The following KCNJ16 variants were observed in gnomAD, a reference collection of about 807,000 sequenced individuals.
The protein encoded by KCNJ16 is inward rectifier potassium channel 16.
In KCNJ16, 15 loss-of-function variants were observed where a neutral mutation model predicts 18.5. The observed-to-expected ratio is 0.81, with a 90% CI of 0.54 to 1.25. KCNJ16 has a LOEUF of 1.25. Among genes scored for constraint, KCNJ16 ranks in the 50% most tolerant of loss-of-function variants. KCNJ16 has a pLI of 0.00. For synonymous variants in KCNJ16, 174 were observed against 186.5 expected (o/e 0.93, Z 0.55); for missense variants, 523 against 525.7 (o/e 0.99, Z 0.05).
At chr17:70,096,382 A>G (rs993629582) in intron 1 of KCNJ16, among the ~76,000 whole-genome samples, 13 of 152,212 alleles carry the variant, frequency 8.5e-5, no homozygotes, top group Non-Finnish European at 1.9e-4. Context: ...GGTCTCTCAT[A>G]TAAGATTGTT....
Position 70,130,937 on chromosome 17 carries a change from G to T in KCNJ16, c.-132G>T. ...TAAATTTCACTTTGACTTGAGCTGG[G>T]AAATCCTTTGGCCTATTATACCATG... On this transcript the variant is annotated 5_prime_UTR_variant, in exon 3 of 4. Coordinates refer to ENST00000392671, the MANE Select transcript of KCNJ16 (RefSeq NM_170741.4). 6.5e-7 allele frequency: 1 copy of T among 1,533,642 alleles called. No individual in the cohort carries two copies. The highest frequency in any genetic ancestry group is 8.7e-7 in the Non-Finnish European group (1 of 1,144,766).
chr17:70,099,366 G>A (rs137911184), intron 1 of KCNJ16, among the ~76,000 whole-genome samples: 120 of 152,262 alleles, frequency 7.9e-4, no homozygotes, highest in Non-Finnish European at 1.2e-3. Flanking sequence ...GAAGTAGTAC[G>A]AGACTTGTTT....
At chr17:70,119,312 T>C (rs934434238) in intron 2 of KCNJ16, among the ~76,000 whole-genome samples, 1 of 152,234 alleles carries the variant, frequency 6.6e-6, no homozygotes, top group African/African-American at 2.4e-5. Flanking sequence ...TCTACTCTTC[T>C]GGTGTCTGGA....
chr17:70,097,602 A>C (rs2072438143), intron 1 of KCNJ16, among the ~76,000 whole-genome samples: 1 of 152,086 alleles, frequency 6.6e-6, no homozygotes. Flanking sequence ...CATAGTTTTC[A>C]ATTTTTCTAC....
intron 3 of KCNJ16, among the ~76,000 whole-genome samples, chr17:70,131,750 A>G (rs1046920951): frequency 4.6e-5 from 7 of 152,158 alleles, no homozygotes; most frequent in Non-Finnish European, 1.0e-4. Context: ...ATCATTTGGG[A>G]TAATCACAGT....
intron 1 of KCNJ16, among the ~76,000 whole-genome samples, chr17:70,083,941 C>CACCAAG (rs2071675734): frequency 6.6e-6 from 1 of 152,092 alleles, no homozygotes; most frequent in Non-Finnish European, 1.5e-5. Context: ...GTTGGTGTCC[C>CACCAAG]ATGGCTTTCG....
intron 2 of KCNJ16, among the ~76,000 whole-genome samples, chr17:70,125,933 A>G (rs1894278065): frequency 6.6e-6 from 1 of 152,030 alleles, no homozygotes; most frequent in Non-Finnish European, 1.5e-5. Context: ...TCCGTCTCAA[A>G]AAAAAAAAGA....
chr17:70,082,294 A>G (rs1005405445), intron 1 of KCNJ16, among the ~76,000 whole-genome samples: 3 of 152,206 alleles, frequency 2.0e-5, no homozygotes, highest in African/African-American at 4.8e-5. Flanking sequence ...TTCAGAGTGT[A>G]GGGTTTTCGG....
intron 2 of KCNJ16, among the ~76,000 whole-genome samples, chr17:70,122,515 A>G (rs936677930): frequency 2.0e-5 from 3 of 152,114 alleles, no homozygotes; most frequent in African/African-American, 7.2e-5. Context: ...TTAAATTTTC[A>G]CTGATTTTTG....
intron 1 of KCNJ16, among the ~76,000 whole-genome samples, chr17:70,081,376 C>T (rs548776964): frequency 1.3e-5 from 2 of 152,188 alleles, no homozygotes; most frequent in South Asian, 2.1e-4. Context: ...TATTAGATAA[C>T]AGTATTGAGC....
At chr17:70,116,395 C>T (rs1019740532) in intron 2 of KCNJ16, among the ~76,000 whole-genome samples, 5 of 152,038 alleles carry the variant, frequency 3.3e-5, no homozygotes, top group Admixed American at 1.3e-4. Context: ...CCAATGTAGT[C>T]GTGTCTTTGT....
At chr17:70,114,576 GGAGA>G (rs2073326429) in intron 2 of KCNJ16, among the ~76,000 whole-genome samples, 1 of 152,120 alleles carries the variant, frequency 6.6e-6, no homozygotes, top group African/African-American at 2.4e-5. Flanking sequence ...GAAACACCAT[GGAGA>G]GTGTTATCAT....
At chr17:70,113,689 AG>A (rs2073282529) in intron 2 of KCNJ16, among the ~76,000 whole-genome samples, 2 of 152,166 alleles carry the variant, frequency 1.3e-5, no homozygotes, top group South Asian at 4.1e-4. Context: ...TTTCTTTTTA[AG>A]GAAAATATTA....
Position 70,106,887 on chromosome 17 carries a change from T to C in KCNJ16, c.-191+6121T>C, listed in dbSNP as rs573681376. Among the ~76,000 whole-genome samples, 79 of 152,302 alleles carry C rather than the reference T, an allele frequency of 5.2e-4. 3 individuals are homozygous for C. In the South Asian group the frequency reaches 0.016, roughly 31 times the overall value. On this transcript the variant is annotated intron_variant, in intron 2 of 3. Transcript: ENST00000392671. ...GCGTGCATAGTTTAACAGAGACGAATAATGTTCATTTTGATCTTTATTAAG... is the reference window on the plus strand; with the variant it reads ...GCGTGCATAGTTTAACAGAGACGAACAATGTTCATTTTGATCTTTATTAAG...
chr17:70,099,867 C>T (rs2072546641), intron 1 of KCNJ16, among the ~76,000 whole-genome samples: 1 of 152,052 alleles, frequency 6.6e-6, no homozygotes, highest in African/African-American at 2.4e-5. Flanking sequence ...TACATGTTAG[C>T]CAACCCATCA....
chr17:70,093,774 AAT>A (rs2072230916), intron 1 of KCNJ16, among the ~76,000 whole-genome samples: 1 of 152,162 alleles, frequency 6.6e-6, no homozygotes, highest in African/African-American at 2.4e-5. Flanking sequence ...GAGGTAAGAT[AAT>A]ACCACATGGA....
intron 1 of KCNJ16, among the ~76,000 whole-genome samples, chr17:70,092,526 A>G (rs2072141597): frequency 1.7e-5 from 1 of 60,416 alleles, no homozygotes; most frequent in Non-Finnish European, 3.1e-5. Flanking sequence ...AGATAGATAC[A>G]TAGACAGATA....
chr17:70,113,539 A>G (rs1481880374), intron 2 of KCNJ16, among the ~76,000 whole-genome samples: 1 of 152,192 alleles, frequency 6.6e-6, no homozygotes, highest in Non-Finnish European at 1.5e-5. Flanking sequence ...GCTGAATGGT[A>G]CAGAAACTCT....
Position 70,086,727 on chromosome 17 carries a change from C to T in KCNJ16, c.-300+11337C>T, listed in dbSNP as rs560632464. Among the ~76,000 whole-genome samples, 7 of 152,254 alleles carry T rather than the reference C, an allele frequency of 4.6e-5. No homozygotes were observed. In the East Asian group the frequency reaches 5.8e-4, roughly 13 times the overall value. On this transcript the variant is annotated intron_variant, in intron 1 of 3. Coordinates refer to ENST00000392671, the MANE Select transcript of KCNJ16 (RefSeq NM_170741.4). Reference sequence around the variant, plus strand: ...TTTTAGTGTTTGGCATTTCCTTTTACGTAATTGCAGCTTTTAAACTAAAGA... The same window carrying T: ...TTTTAGTGTTTGGCATTTCCTTTTATGTAATTGCAGCTTTTAAACTAAAGA...
Sources: allele counts gnomAD v4.1 joint callset (sites outside exome capture counted in the v4.1 genomes callset), GRCh38; gene constraint gnomAD v4.1.1; transcripts MANE v1.5; gene names NCBI Gene and HGNC (gene_info 2026-07-23, HGNC 2026-07-21).